The following PDCL2 variants were observed in gnomAD, a reference collection of about 807,000 sequenced individuals.
PDCL2 encodes phosducin like 2, also known as phosducin-like protein 2.
In PDCL2, 23 loss-of-function variants were observed where a neutral mutation model predicts 30.3. The observed-to-expected ratio is 0.76, with a 90% CI of 0.55 to 1.08. PDCL2 has a LOEUF of 1.08. PDCL2 is among the 50% of genes least tolerant of loss of function. PDCL2 has a pLI of 0.00. For missense variants in PDCL2, 243 were observed against 282.3 expected, an observed-to-expected ratio of 0.86 and a Z score of 1.00; for synonymous variants, 68 against 86.2, an observed-to-expected ratio of 0.79 and a Z score of 1.17.
intron 3 of PDCL2, among the ~76,000 whole-genome samples, chr4:55,576,632 T>C (rs1382571396): frequency 2.0e-5 from 3 of 151,832 alleles, no homozygotes; most frequent in African/African-American, 7.3e-5. Flanking sequence ...ATGAAAAAAC[T>C]AAAAGATACA....
At position 55,562,386 on chromosome 4, in the gene PDCL2, CAA is replaced by C. The variant is rs928816452; in HGVS notation, c.571+16_571+17del. ...TGTTTTCACCTATCATTTTTATAAA[CAA>C]AATTTGTAACATTACCTTCCAGCTT... On this transcript the variant is annotated intron_variant, in intron 5 of 5. Coordinates refer to ENST00000295645, the MANE Select transcript of PDCL2 (RefSeq NM_152401.3). 7.3e-7 allele frequency: 1 copy of C among 1,377,858 alleles called. No homozygotes were observed. The highest frequency in any genetic ancestry group is 9.5e-7 in the Non-Finnish European group (1 of 1,050,024). The allele number at this position is 1,377,858 out of a possible 1,614,324, so 85.4% of individuals were successfully genotyped here. A position where few individuals can be genotyped will look rare whatever the true frequency, so the allele number is the denominator to read the frequency against.
chr4:55,564,312 G>A (rs775048889), intron 4 of PDCL2, among the ~76,000 whole-genome samples: 2 of 152,134 alleles, frequency 1.3e-5, no homozygotes, highest in African/African-American at 4.8e-5. Flanking sequence ...AGAGAATATT[G>A]CATAACAGAT....
chr4:55,587,702 CCCACCACCA>C (rs1352652367), intron 1 of PDCL2, among the ~76,000 whole-genome samples: 1 of 151,780 alleles, frequency 6.6e-6, no homozygotes, highest in East Asian at 1.9e-4. Context: ...ATTACAGATG[CCCACCACCA>C]CACCCAGCTA....
At chr4:55,563,015 T>TA (rs1732175314) in intron 4 of PDCL2, among the ~76,000 whole-genome samples, 1 of 152,194 alleles carries the variant, frequency 6.6e-6, no homozygotes, top group South Asian at 2.1e-4. Context: ...TCTTTCCATG[T>TA]AATGAGTTTA....
At chr4:55,577,551 T>G (rs1732603684) in intron 3 of PDCL2, among the ~76,000 whole-genome samples, 2 of 152,108 alleles carry the variant, frequency 1.3e-5, no homozygotes, top group Non-Finnish European at 2.9e-5. Flanking sequence ...GCTACTAGGA[T>G]CCCCTCCACC....
intron 3 of PDCL2, among the ~76,000 whole-genome samples, chr4:55,579,336 T>C (rs1219024755): frequency 6.6e-6 from 1 of 152,222 alleles, no homozygotes; most frequent in Non-Finnish European, 1.5e-5. Flanking sequence ...TGTTTGTTTG[T>C]TTGTTTGTTT....
chr4:55,567,992 T>C (rs558296911), intron 4 of PDCL2, among the ~76,000 whole-genome samples: 1 of 152,340 alleles, frequency 6.6e-6, no homozygotes, highest in South Asian at 2.1e-4. Context: ...AAATAACTTT[T>C]ATGGGGCATT....
At chr4:55,591,332 A>T (rs149398080) in intron 1 of PDCL2, among the ~76,000 whole-genome samples, 3 of 151,166 alleles carry the variant, frequency 2.0e-5, no homozygotes, top group Admixed American at 6.6e-5. Flanking sequence ...ATTAATAAGG[A>T]ACCATTAGAC....
At chr4:55,576,017 C>T (rs1296410797) in intron 3 of PDCL2, among the ~76,000 whole-genome samples, 1 of 151,890 alleles carries the variant, frequency 6.6e-6, no homozygotes, top group African/African-American at 2.4e-5. Context: ...AAGTTAACTA[C>T]ATAGGGAAAT....
In PDCL2 at chr4:55,592,103, C is replaced by G. The variant is rs1490132541; in HGVS notation, c.6+1G>C. On this transcript the variant is annotated splice_donor_variant, in intron 1 of 5. Coordinates refer to ENST00000295645, the MANE Select transcript of PDCL2 (RefSeq NM_152401.3). LOFTEE classifies it high-confidence loss of function. ...GTGGCTCGGCAGGTCCCGACCCTCA[C>G]CTGCATGATGCGCTGCTCTGCCCCT... is the stretch of plus-strand genomic sequence containing the variant. The G allele has an allele frequency of 1.2e-6, 2 of 1,609,160 alleles. No individual in the cohort carries two copies. Among genetic ancestry groups the G allele is most frequent in the Non-Finnish European group, 1.7e-6 (2 of 1,178,454 alleles).
chr4:55,564,571 G>C (rs1732213175), intron 4 of PDCL2, among the ~76,000 whole-genome samples: 2 of 152,168 alleles, frequency 1.3e-5, no homozygotes, highest in Admixed American at 1.3e-4. Context: ...AGATTAAATA[G>C]AATTGGGGTA....
intron 5 of PDCL2, among the ~76,000 whole-genome samples, chr4:55,557,020 T>G (rs1362097357): frequency 1.3e-5 from 2 of 152,030 alleles, no homozygotes; most frequent in Non-Finnish European, 2.9e-5. Context: ...TTTTTTTAAG[T>G]AGAGTCAGGG....
intron 1 of PDCL2, among the ~76,000 whole-genome samples, chr4:55,591,070 C>G (rs1319574132): frequency 6.6e-6 from 1 of 152,112 alleles, no homozygotes. Context: ...TGTTTTTACA[C>G]ACATATAAAA....
At chr4:55,573,038 A>G (rs1371479330) in intron 3 of PDCL2, among the ~76,000 whole-genome samples, 4 of 152,108 alleles carry the variant, frequency 2.6e-5, no homozygotes, top group East Asian at 1.9e-4. Context: ...GATTACAGGC[A>G]TGAGCCACCG....
chr4:55,563,485 A>G (rs1385161367), intron 4 of PDCL2, among the ~76,000 whole-genome samples: 3 of 152,246 alleles, frequency 2.0e-5, no homozygotes, highest in Non-Finnish European at 2.9e-5. Context: ...GTTCGAGACC[A>G]GCCTGGCCAA....
intron 4 of PDCL2, among the ~76,000 whole-genome samples, chr4:55,565,973 G>GTTTTTTTTTTTTTTTTTTTTTT (rs71194595): frequency 1.3e-5 from 1 of 74,494 alleles, no homozygotes; most frequent in Non-Finnish European, 2.4e-5. Context: ...CCATTTTTCT[G>GTTTTTTTTTTTTTTTTTTTTTT]TTTTTTTTTT....
chr4:55,562,697 AAAAAT>A lies in PDCL2; in HGVS notation c.363-90_363-86del, dbSNP rs901720656. On this transcript the variant is annotated intron_variant, in intron 4 of 5. Coordinates refer to ENST00000295645, the MANE Select transcript of PDCL2 (RefSeq NM_152401.3). Reference sequence around the variant, plus strand: ...GAAATAAGTAAAATATCGCCATGGCAAAAATATATCTTAGATTAATATAAAAGCAC... The same window carrying A: ...GAAATAAGTAAAATATCGCCATGGCAATATCTTAGATTAATATAAAAGCAC... The A allele has an allele frequency of 3.1e-5, 26 of 839,756 alleles. No homozygotes were observed. In the African/African-American group the frequency reaches 3.4e-4, roughly 11 times the overall value. 52.0% of individuals were successfully genotyped at this position (839,756 alleles called of 1,614,324 possible). A position where few individuals can be genotyped will look rare whatever the true frequency, so the allele number is the denominator to read the frequency against.
Position 55,562,416 on chromosome 4 carries a change from G to T in PDCL2, c.559C>A (p.Leu187Ile), listed in dbSNP as rs758330203. Reference sequence around the variant, plus strand: ...TTTGTAACATTACCTTCCAGCTTGAGATTTATCCCTCCACATTCTATAATT... The same window carrying T: ...TTTGTAACATTACCTTCCAGCTTGATATTTATCCCTCCACATTCTATAATT... ...IGIIECGGIN[L>I]KLEELEWKLA... Residue 187 changes from leucine to isoleucine, a missense_variant, in exon 5 of 6, where the codon CTC becomes ATC. Leu to Ile is a conservative substitution (Grantham distance 5). Coordinates refer to ENST00000295645, the MANE Select transcript of PDCL2 (RefSeq NM_152401.3). The T allele has an allele frequency of 5.7e-6, 8 of 1,408,896 alleles. No homozygotes were observed. In the Admixed American group the frequency reaches 2.2e-4, roughly 40 times the overall value. 87.3% of individuals were successfully genotyped at this position (1,408,896 alleles called of 1,614,324 possible).
chr4:55,571,745 T>C (rs182391906), intron 3 of PDCL2, among the ~76,000 whole-genome samples: 51 of 149,392 alleles, frequency 3.4e-4, no homozygotes, highest in African/African-American at 1.2e-3. Flanking sequence ...AAGTAAAATC[T>C]CTTACTTTAC....
Sources: gnomAD v4.1 joint callset for allele counts (sites outside exome capture counted in the v4.1 genomes callset) on GRCh38, gnomAD v4.1.1 for gene constraint, MANE v1.5 for transcripts, NCBI Gene and HGNC (gene_info 2026-07-23, HGNC 2026-07-21) for gene names.